Variants in OTOF observed in about 807,000 individuals in gnomAD.
The protein encoded by OTOF is otoferlin, also known as fer-1-like family member 2.
OTOF carries 218 observed loss-of-function variants against 236.8 expected under a neutral mutation model. The observed-to-expected ratio is 0.92, with a 90% confidence interval of 0.82 to 1.03. The LOEUF (loss-of-function observed/expected upper bound fraction) is 1.03. OTOF is among the 50% of genes least tolerant of loss of function. The pLI is 0.00. For synonymous variants in OTOF, 1,041 were observed against 1,072.5 expected (o/e 0.97, Z 0.57); for missense variants, 2,590 against 2,694.4 (o/e 0.96, Z 0.86).
chr2:26,502,973 G>A (rs1666153423), intron 6 of OTOF, among the ~76,000 whole-genome samples: 1 of 152,246 alleles, frequency 6.6e-6, no homozygotes, highest in African/African-American at 2.4e-5. Flanking sequence ...CAGACATGTG[G>A]ATTCCGAACA....
chr2:26,458,482 G>A (rs1262320962), intron 46 of OTOF, among the ~76,000 whole-genome samples: 1 of 152,308 alleles, frequency 6.6e-6, no homozygotes, highest in African/African-American at 2.4e-5. Flanking sequence ...GGGCAGCCTT[G>A]GCCCTGCAGG....
At position 26,473,256 on chromosome 2, in the gene OTOF, G is replaced by A; in HGVS notation, c.3609C>T (p.Asn1203=). 1 of 1,613,500 alleles carries A rather than the reference G, an allele frequency of 6.2e-7. No homozygotes were observed. Among genetic ancestry groups the A allele is most frequent in the Non-Finnish European group, 8.5e-7 (1 of 1,179,952 alleles). ...PENELLHPPL[N]IRVVDCRAFG... ...AGGCCCGGCAGTCCACCACACGGAT[G>A]TTCAAGGGCGGGTGCAGCAGCTCGT... is the stretch of plus-strand genomic sequence containing the variant. The change falls in exon 29 of 47, where the codon AAC becomes AAT. Residue 1203 remains asparagine (N), a synonymous_variant. Coordinates refer to ENST00000272371, the MANE Select transcript of OTOF (RefSeq NM_194248.3). The surrounding 1 kb of genome is among the most constrained non-coding windows in gnomAD (Gnocchi z 7.2).
Position 26,468,411 on chromosome 2 carries a change from C to T in OTOF, c.4087G>A (p.Glu1363Lys), listed in dbSNP as rs769620123. Residue 1363 changes from glutamate to lysine, a missense_variant, in exon 33 of 47, where the codon GAG (glutamate) becomes AAG (lysine). Physicochemically the swap from Glu to Lys is moderately conservative, Grantham distance 56. Around this residue, in one of 2 missense-constraint regions of OTOF, gnomAD observed 1,211 missense variants for 1,352.8 expected, o/e 0.90. Transcript: ENST00000272371. ...LEEKEEVDNT[E>K]GLKGSMKGKE... ...AGTTCCAGGTTCCAGGGCTCACCCTCGGTATTGTCCACTTCCTCCTTCTCC... is the reference window on the plus strand; with the variant it reads ...AGTTCCAGGTTCCAGGGCTCACCCTTGGTATTGTCCACTTCCTCCTTCTCC... The T allele has an allele frequency of 1.5e-5, 25 of 1,613,288 alleles. 1 individual carries two copies. In the Admixed American group the frequency reaches 2.0e-4, roughly 13 times the overall value.
intron 30 of OTOF, chr2:26,472,231 C>T (rs1035083366): frequency 7.2e-5 from 34 of 469,028 alleles, no homozygotes; most frequent in African/African-American, 2.4e-4. Context: ...TACGCATGCA[C>T]GCACAAATGC....
chr2:26,546,435 TG>T (rs1667334734), intron 1 of OTOF, among the ~76,000 whole-genome samples: 2 of 150,120 alleles, frequency 1.3e-5, no homozygotes. Context: ...CACTCCAGCC[TG>T]GGCAACAAGA....
intron 1 of OTOF, among the ~76,000 whole-genome samples, chr2:26,538,083 C>T (rs1667119339): frequency 6.6e-6 from 1 of 152,218 alleles, no homozygotes; most frequent in East Asian, 1.9e-4. Flanking sequence ...GCACTCTTTT[C>T]CACCATGTTC....
intron 2 of OTOF, among the ~76,000 whole-genome samples, chr2:26,529,887 G>T (rs955814185): frequency 4.4e-4 from 29 of 65,306 alleles, no homozygotes; most frequent in Non-Finnish European, 6.5e-4. Flanking sequence ...GAGAGTCCCA[G>T]GAAGTGGAGG....
rs1452862813 is a variant in OTOF, at chr2:26,462,629, C to T, written c.5193-448G>A. On this transcript the variant is annotated intron_variant, in intron 41 of 46. Coordinates refer to ENST00000272371, the MANE Select transcript of OTOF (RefSeq NM_194248.3). The surrounding 1 kb of genome is among the most constrained non-coding windows in gnomAD (Gnocchi z 4.7). ...TCTGAGCATGGCTCTCCTGGGATTG[C>T]AGACAGGGCTGCGAGCCCAGAGTGG... Among the ~76,000 whole-genome samples, 1 of 152,224 alleles carries T rather than the reference C, an allele frequency of 6.6e-6. No homozygotes were observed. The highest frequency in any genetic ancestry group is 1.5e-5 in the Non-Finnish European group (1 of 68,040).
chr2:26,472,392 C>T (rs544672017), intron 30 of OTOF, 127 bp downstream of exon 30: 32 of 1,220,564 alleles, frequency 2.6e-5, no homozygotes, highest in Non-Finnish European at 3.4e-5. Flanking sequence ...GCTCAGCCCC[C>T]GACAGTCACA....
chr2:26,557,683 G>A (rs1454420875), intron 1 of OTOF, among the ~76,000 whole-genome samples: 2 of 151,936 alleles, frequency 1.3e-5, no homozygotes, highest in Non-Finnish European at 2.9e-5. Context: ...TGGTCCTTCG[G>A]GTATTAGCTG....
At chr2:26,472,675 C>T (rs775161432) in intron 29 of OTOF, 26 bp from the exon 30 acceptor site, 1 of 1,611,224 alleles carries the variant, frequency 6.2e-7, no homozygotes. Flanking sequence ...GATGGACAGA[C>T]AGGCAGAGGA....
chr2:26,493,380 C>T (rs548336639), intron 9 of OTOF, among the ~76,000 whole-genome samples: 16 of 152,266 alleles, frequency 1.1e-4, no homozygotes, highest in East Asian at 5.8e-4. Context: ...CCTCAGGGTA[C>T]GGGACTCAGC....
rs576076540 is a variant in OTOF, at chr2:26,474,066, C to T, written c.3333G>A (p.Pro1111=). ...GKADLPPING[P]VDVDRGPIMP... ...TGATGGGACCTCGGTCCACGTCCACCGGGCCATTGATGGGGGGCAGGTCAG... is the reference window on the plus strand; with the variant it reads ...TGATGGGACCTCGGTCCACGTCCACTGGGCCATTGATGGGGGGCAGGTCAG... Residue 1111 remains proline (P), a synonymous_variant, in exon 27 of 47, where the codon CCG becomes CCA. Transcript: ENST00000272371. 1.1e-5 allele frequency: 18 copies of T among 1,613,026 alleles called. No individual in the cohort carries two copies. Among genetic ancestry groups the T allele is most frequent in the Admixed American group, 5.0e-5 (3 of 60,012 alleles).
At chr2:26,478,987 C>T (rs2148054352) in intron 18 of OTOF, among the ~76,000 whole-genome samples, 1 of 152,380 alleles carries the variant, frequency 6.6e-6, no homozygotes, top group East Asian at 1.9e-4. Flanking sequence ...GCGTGAGCCA[C>T]CACACCTGTC....
At chr2:26,464,198 C>G in intron 39 of OTOF, 92 bp from the exon 40 acceptor site, 3 of 1,487,496 alleles carry the variant, frequency 2.0e-6, no homozygotes, top group Non-Finnish European at 1.9e-6. Context: ...AAAGAAGCCT[C>G]TATGCCATCA....
chr2:26,479,749 G>A, intron 16 of OTOF, 96 bp from the exon 17 acceptor site: 1 of 1,251,872 alleles, frequency 8.0e-7, no homozygotes, highest in Admixed American at 1.9e-5. Flanking sequence ...GGAAAGGGGA[G>A]AGGGAGAGTC....
chr2:26,479,554 G>A lies in OTOF; in HGVS notation c.2012C>T (p.Ala671Val), dbSNP rs1665466281. Reference sequence around the variant, plus strand: ...GGCATCACCGGCCTCGTCATCACTTGCGTTCTGAATCAGGTCTACTTCTTC... The same window carrying A: ...GGCATCACCGGCCTCGTCATCACTTACGTTCTGAATCAGGTCTACTTCTTC... ...DEEEVDLIQN[A>V]SDDEAGDAGD... Residue 671 changes from alanine to valine, a missense_variant, in exon 17 of 47, where the codon GCA becomes GTA. Ala to Val is a moderately conservative substitution (Grantham distance 64). Transcript: ENST00000272371. 3 of 1,612,474 alleles carry A rather than the reference G, an allele frequency of 1.9e-6. No individual in the cohort carries two copies. The highest frequency in any genetic ancestry group is 2.5e-6 in the Non-Finnish European group (3 of 1,179,924).
intron 41 of OTOF, among the ~76,000 whole-genome samples, chr2:26,463,056 C>T (rs943660253): frequency 3.0e-4 from 46 of 152,132 alleles, no homozygotes; most frequent in South Asian, 2.1e-4. Context: ...GTGAGGATGA[C>T]GCAGGGCCGG....
At chr2:26,549,466 A>G (rs1349823201) in intron 1 of OTOF, among the ~76,000 whole-genome samples, 1 of 152,212 alleles carries the variant, frequency 6.6e-6, no homozygotes. Context: ...CCAATGACTC[A>G]CAGAGCCAGA....
Sources: allele counts gnomAD v4.1 joint callset (sites outside exome capture counted in the v4.1 genomes callset), GRCh38; gene constraint gnomAD v4.1.1; regional missense constraint gnomAD v4.1.1; non-coding constraint Gnocchi (gnomAD v3.1); transcripts MANE v1.5; gene names NCBI Gene and HGNC (gene_info 2026-07-23, HGNC 2026-07-21).